Variants in PCP4 observed in about 807,000 individuals in gnomAD.
The protein encoded by PCP4 is calmodulin regulator protein PCP4.
Under a neutral mutation model 10.0 loss-of-function variants are expected in PCP4, and 8 were observed. That is an observed-to-expected ratio of 0.80 (90% CI 0.47 to 1.45). The LOEUF (loss-of-function observed/expected upper bound fraction) is 1.45, where lower values mean the gene tolerates loss of function less well. Ranked by LOEUF, PCP4 falls within the 40% of genes most tolerant of loss-of-function variation. The pLI, the probability that PCP4 is intolerant of heterozygous loss-of-function variation, is 0.00. For synonymous variants in PCP4, 21 were observed against 23.0 expected, an observed-to-expected ratio of 0.91 and a Z score of 0.24; for missense variants, 54 against 74.4, an observed-to-expected ratio of 0.73 and a Z score of 1.01.
At chr21:39,887,319 A>G (rs1438611551) in intron 1 of PCP4, among the ~76,000 whole-genome samples, 1 of 147,656 alleles carries the variant, frequency 6.8e-6, no homozygotes, top group African/African-American at 2.5e-5. Context: ...TGAAAATCCC[A>G]TCACTTTTTT....
chr21:39,897,255 G>C (rs1370681595), intron 1 of PCP4, among the ~76,000 whole-genome samples: 2 of 152,150 alleles, frequency 1.3e-5, no homozygotes, highest in East Asian at 3.9e-4. Context: ...GGGGGTGGTG[G>C]CATGTGCCTG....
chr21:39,880,186 A>C (rs377394945), intron 1 of PCP4, among the ~76,000 whole-genome samples: 323 of 128,314 alleles, frequency 2.5e-3, no homozygotes, highest in South Asian at 0.013. Context: ...CTATATCTAT[A>C]TCTATCTATA....
chr21:39,889,723 A>G (rs1392430656), intron 1 of PCP4, among the ~76,000 whole-genome samples: 2 of 151,982 alleles, frequency 1.3e-5, no homozygotes, highest in African/African-American at 2.4e-5. Context: ...GCCTCAAACC[A>G]AGTTCTTAGA....
chr21:39,901,651 C>T (rs544019398), intron 2 of PCP4, among the ~76,000 whole-genome samples: 160 of 152,250 alleles, frequency 1.1e-3, no homozygotes, highest in African/African-American at 3.7e-3. Context: ...ATTCCTGATG[C>T]TATGAATAAG....
intron 1 of PCP4, among the ~76,000 whole-genome samples, chr21:39,888,898 A>G (rs556481025): frequency 6.6e-6 from 1 of 152,326 alleles, no homozygotes; most frequent in South Asian, 2.1e-4. Flanking sequence ...ACATTGGTAA[A>G]GGTACCTAAT....
chr21:39,876,049 T>C (rs1312184341), intron 1 of PCP4, among the ~76,000 whole-genome samples: 1 of 151,568 alleles, frequency 6.6e-6, no homozygotes, highest in Non-Finnish European at 1.5e-5. Flanking sequence ...TTATTTTCAG[T>C]CTATGATTTA....
At chr21:39,878,064 A>G (rs1349003308) in intron 1 of PCP4, among the ~76,000 whole-genome samples, 1 of 151,974 alleles carries the variant, frequency 6.6e-6, no homozygotes, top group Non-Finnish European at 1.5e-5. Context: ...ATATCATTGA[A>G]CTCCCATTGA....
chr21:39,897,334 G>A (rs2299760), intron 1 of PCP4, among the ~76,000 whole-genome samples: 12,117 of 147,182 alleles, frequency 0.082, 607 homozygotes, highest in Middle Eastern at 0.2. Context: ...GTTGCAGTGA[G>A]CCAAGATCCT....
chr21:39,918,286 C>A (rs984499048), intron 2 of PCP4, among the ~76,000 whole-genome samples: 1 of 152,060 alleles, frequency 6.6e-6, no homozygotes, highest in African/African-American at 2.4e-5. Flanking sequence ...TCTTTGTAAT[C>A]GATAAGCATG....
At chr21:39,877,451 C>T (rs2087351495) in intron 1 of PCP4, among the ~76,000 whole-genome samples, 1 of 151,574 alleles carries the variant, frequency 6.6e-6, no homozygotes, top group Non-Finnish European at 1.5e-5. Context: ...CTTTGGGAGA[C>T]CCAGGTGGGA....
At chr21:39,867,904 G>A (rs933862441) in intron 1 of PCP4, among the ~76,000 whole-genome samples, 18 of 152,184 alleles carry the variant, frequency 1.2e-4, no homozygotes, top group Admixed American at 8.5e-4. Context: ...TGCAAGCCAT[G>A]GAAGGGAAGG....
chr21:39,902,199 C>T (rs901358621), intron 2 of PCP4, among the ~76,000 whole-genome samples: 1 of 151,852 alleles, frequency 6.6e-6, no homozygotes, highest in African/African-American at 2.4e-5. Flanking sequence ...TTAAAAAAAC[C>T]ATCAAAATGT....
chr21:39,905,420 A>G (rs2087502171), intron 2 of PCP4, among the ~76,000 whole-genome samples: 1 of 152,228 alleles, frequency 6.6e-6, no homozygotes, highest in Admixed American at 6.5e-5. Context: ...GGAATTGCTT[A>G]TTAAGCCGGG....
At chr21:39,893,669 A>G (rs953182674) in intron 1 of PCP4, among the ~76,000 whole-genome samples, 1 of 152,220 alleles carries the variant, frequency 6.6e-6, no homozygotes, top group African/African-American at 2.4e-5. Flanking sequence ...GGTATGTAGC[A>G]TGTTCTAATG....
intron 2 of PCP4, among the ~76,000 whole-genome samples, chr21:39,922,574 T>A (rs945177336): frequency 1.3e-5 from 2 of 152,106 alleles, no homozygotes; most frequent in Non-Finnish European, 2.9e-5. Flanking sequence ...TTCTTCATTA[T>A]TTTTCCAAGC....
chr21:39,917,037 G>C (rs1168439203), intron 2 of PCP4, among the ~76,000 whole-genome samples: 1 of 152,038 alleles, frequency 6.6e-6, no homozygotes, highest in African/African-American at 2.4e-5. Flanking sequence ...CATGGCACAC[G>C]TTTACCTATG....
At chr21:39,868,849 G>A (rs1401475629) in intron 1 of PCP4, among the ~76,000 whole-genome samples, 1 of 152,132 alleles carries the variant, frequency 6.6e-6, no homozygotes, top group African/African-American at 2.4e-5. Flanking sequence ...GTCTAAATGT[G>A]TATGGAATTT....
chr21:39,922,334 C>T (rs189938159), intron 2 of PCP4, among the ~76,000 whole-genome samples: 2 of 152,180 alleles, frequency 1.3e-5, no homozygotes, highest in Non-Finnish European at 2.9e-5. Context: ...ATTACCATTC[C>T]ATCTTTAAGA....
chr21:39,873,880 G>A (rs539206801), intron 1 of PCP4, among the ~76,000 whole-genome samples: 79 of 152,238 alleles, frequency 5.2e-4, no homozygotes, highest in Admixed American at 1.4e-3. Context: ...CTTGTATATT[G>A]TTTATGCCTC....
Sources: allele counts gnomAD v4.1 joint callset (sites outside exome capture counted in the v4.1 genomes callset), GRCh38; gene constraint gnomAD v4.1.1; transcripts MANE v1.5; gene names NCBI Gene and HGNC (gene_info 2026-07-23, HGNC 2026-07-21).